The following MED12L variants were observed in gnomAD, a reference collection of about 807,000 sequenced individuals.
MED12L encodes mediator of RNA polymerase II transcription subunit 12-like protein.
MED12L carries 60 observed loss-of-function variants against 281.3 expected under a neutral mutation model. The ratio of observed to expected loss-of-function variants is 0.21; its 90% confidence interval spans 0.17 to 0.26. The LOEUF (loss-of-function observed/expected upper bound fraction) is 0.26, where lower values mean the gene tolerates loss of function less well. Ranked by LOEUF, MED12L falls within the 10% of genes least tolerant of loss-of-function variation. MED12L has a pLI of 1.00. For missense variants in MED12L, 2,146 were observed against 2,680.9 expected, an observed-to-expected ratio of 0.80 and a Z score of 4.41; for synonymous variants, 974 against 987.2, an observed-to-expected ratio of 0.99 and a Z score of 0.25.
At chr3:151,242,252 C>T (rs1734301467) in intron 16 of MED12L, among the ~76,000 whole-genome samples, 3 of 152,302 alleles carry the variant, frequency 2.0e-5, no homozygotes, top group African/African-American at 7.2e-5. Flanking sequence ...CCGGGAAGCT[C>T]AAACTGGGCG....
At chr3:151,155,668 G>C (rs1012241967) in intron 5 of MED12L, among the ~76,000 whole-genome samples, 4 of 152,174 alleles carry the variant, frequency 2.6e-5, no homozygotes, top group African/African-American at 4.8e-5. Flanking sequence ...TCTTAATTAG[G>C]CATATTTGAA....
chr3:151,358,460 A>T (rs1250076344), intron 20 of MED12L, among the ~76,000 whole-genome samples: 1 of 152,152 alleles, frequency 6.6e-6, no homozygotes. Flanking sequence ...AATCTTTCGA[A>T]CTGGAAGCTT....
intron 16 of MED12L, among the ~76,000 whole-genome samples, chr3:151,275,902 C>T (rs1037389431): frequency 1.3e-5 from 2 of 151,908 alleles, no homozygotes; most frequent in Non-Finnish European, 2.9e-5. Context: ...TTTAGTATTG[C>T]GGGGTGATGG....
chr3:151,371,954 A>C (rs1013654671), intron 26 of MED12L, among the ~76,000 whole-genome samples: 3 of 152,198 alleles, frequency 2.0e-5, no homozygotes, highest in African/African-American at 7.2e-5. Flanking sequence ...TTATCAGGTA[A>C]GGTTTTCTAA....
chr3:151,322,190 C>T lies in MED12L; in HGVS notation c.2251-27869C>T, dbSNP rs140272711. Among the ~76,000 whole-genome samples, 284 of 152,106 alleles carry T rather than the reference C, an allele frequency of 1.9e-3. 1 individual carries two copies. Among genetic ancestry groups the T allele is most frequent in the African/African-American group, 6.7e-3 (278 of 41,482 alleles). ...TAATATAAAAGCTGATTTGTTTCTC[C>T]CTGGAAGTCTTTTGAGGCAGGGTCT... On this transcript the variant is annotated intron_variant, in intron 16 of 44. Coordinates refer to ENST00000687756, the MANE Select transcript of MED12L (RefSeq NM_001393769.1).
At chr3:151,313,980 G>C (rs904843112) in intron 16 of MED12L, among the ~76,000 whole-genome samples, 6 of 152,144 alleles carry the variant, frequency 3.9e-5, no homozygotes, top group Admixed American at 3.9e-4. Context: ...TATCAAGCTA[G>C]ATGTATATGC....
chr3:151,384,438 T>C, intron 35 of MED12L, among the ~76,000 whole-genome samples: 1 of 152,238 alleles, frequency 6.6e-6, no homozygotes, highest in East Asian at 1.9e-4. Context: ...TAAAACATGT[T>C]TAATTTTTTA....
intron 4 of MED12L, among the ~76,000 whole-genome samples, chr3:151,126,670 G>A (rs988890695): frequency 6.6e-6 from 1 of 152,146 alleles, no homozygotes; most frequent in African/African-American, 2.4e-5. Context: ...AGAGAGACCA[G>A]GGCTCTTGGT....
intron 16 of MED12L, among the ~76,000 whole-genome samples, chr3:151,240,572 G>A (rs951581758): frequency 6.6e-6 from 1 of 152,234 alleles, no homozygotes; most frequent in African/African-American, 2.4e-5. Context: ...AACAAAAGGT[G>A]TAGCTCAAGA....
chr3:151,135,510 T>C lies in MED12L; in HGVS notation c.556+7526T>C, dbSNP rs148177515. On this transcript the variant is annotated intron_variant, in intron 5 of 44. Coordinates refer to ENST00000687756, the MANE Select transcript of MED12L (RefSeq NM_001393769.1). The stretch of plus-strand genomic sequence containing the variant: ...GCAGACTTTATCTGTAACCTTGCAA[T>C]GTAGGTTTCATTATTCCATTTTGTG... 2.6e-3 allele frequency among the ~76,000 whole-genome samples: 392 copies of C among 152,350 alleles called. 5 individuals carry two copies. Among genetic ancestry groups the C allele is most frequent in the African/African-American group, 9.0e-3 (374 of 41,570 alleles).
intron 3 of MED12L, 110 bp downstream of exon 3, chr3:151,116,552 G>C (rs1712842186): frequency 2.9e-6 from 2 of 692,244 alleles, no homozygotes; most frequent in South Asian, 1.8e-5. Context: ...TCCATATTCA[G>C]ATTTCCCCCA....
intron 16 of MED12L, among the ~76,000 whole-genome samples, chr3:151,270,561 G>C (rs1740756115): frequency 6.6e-6 from 1 of 152,086 alleles, no homozygotes; most frequent in Non-Finnish European, 1.5e-5. Flanking sequence ...AGAACACTGT[G>C]TCTCTGCGTG....
At chr3:151,172,957 A>C (rs894026656) in intron 11 of MED12L, among the ~76,000 whole-genome samples, 1 of 152,202 alleles carries the variant, frequency 6.6e-6, no homozygotes, top group East Asian at 1.9e-4. Flanking sequence ...CTAGTAACAT[A>C]GTTGGGAAAA....
chr3:151,230,742 C>A (rs1731504007), intron 16 of MED12L, among the ~76,000 whole-genome samples: 1 of 152,160 alleles, frequency 6.6e-6, no homozygotes, highest in South Asian at 2.1e-4. Context: ...ATCTGTATGT[C>A]TGTAAGTCAT....
At chr3:151,257,490 T>A (rs1173074547) in intron 16 of MED12L, among the ~76,000 whole-genome samples, 3 of 152,278 alleles carry the variant, frequency 2.0e-5, no homozygotes, top group African/African-American at 7.2e-5. Flanking sequence ...CTCTCTGTGC[T>A]TCAGCACCCT....
At chr3:151,337,026 T>C (rs1427678201) in intron 16 of MED12L, 1 of 152,266 alleles carries the variant, frequency 6.6e-6, no homozygotes, top group African/African-American at 2.4e-5. Flanking sequence ...TTCTAGAAGC[T>C]AATTAATAAA....
Position 151,369,479 on chromosome 3 carries a change from C to T in MED12L, c.3594C>T (p.Leu1198=), listed in dbSNP as rs1300459862. 6.2e-7 allele frequency: 1 copy of T among 1,612,244 alleles called. No individual in the cohort carries two copies. ...PGIRSSCDRH[L]LAAAHNSIEV... is the part of the protein sequence containing the mutation. The stretch of plus-strand genomic sequence containing the variant: ...TAAGATCATCTTGTGATAGACACCT[C>T]TTAGCCGCTGCTCACAACAGCATTG... The change falls in exon 26 of 45, where the codon CTC becomes CTT. Residue 1198 remains leucine, a synonymous_variant. Coordinates refer to ENST00000687756, the MANE Select transcript of MED12L (RefSeq NM_001393769.1).
In MED12L at chr3:151,398,644, G is replaced by A. The variant is rs115397665; in HGVS notation, c.5820+3777G>A. ...ATTTCCCTATAGCTTTAGTGCATAT[G>A]GACATGCAGAAAGATGTTTTGGCAA... On this transcript the variant is annotated intron_variant, in intron 39 of 44. Transcript: ENST00000687756. Among the ~76,000 whole-genome samples the A allele has an allele frequency of 6.1e-3, 930 of 152,300 alleles. 9 individuals are homozygous for A. The highest frequency in any genetic ancestry group is 0.021 in the African/African-American group (883 of 41,558).
chr3:151,382,818 C>A, intron 33 of MED12L, 73 bp downstream of exon 33: 1 of 1,194,908 alleles, frequency 8.4e-7, no homozygotes, highest in Non-Finnish European at 1.2e-6. Context: ...CTTTCCACTT[C>A]TCCTAAGTGC....
Sources: allele counts gnomAD v4.1 joint callset (sites outside exome capture counted in the v4.1 genomes callset), GRCh38; gene constraint gnomAD v4.1.1; transcripts MANE v1.5; gene names NCBI Gene and HGNC (gene_info 2026-07-23, HGNC 2026-07-21).